Variants in FHIT observed in about 807,000 individuals in gnomAD.
The protein encoded by FHIT is fragile histidine triad diadenosine triphosphatase.
In FHIT, 19 loss-of-function variants were observed where a neutral mutation model predicts 17.9. That is an observed-to-expected ratio of 1.06 (90% confidence interval 0.74 to 1.56). The LOEUF (loss-of-function observed/expected upper bound fraction) is 1.56, where lower values mean the gene tolerates loss of function less well. FHIT is among the 40% of genes most tolerant of loss of function. The pLI, the probability that FHIT is intolerant of heterozygous loss-of-function variation, is 0.00. For synonymous variants in FHIT, 81 were observed against 69.7 expected (o/e 1.16, Z -0.81); for missense variants, 248 against 189.2 (o/e 1.31, Z -1.82).
At chr3:59,773,787 T>C (rs1248330475) in intron 8 of FHIT, among the ~76,000 whole-genome samples, 2 of 152,102 alleles carry the variant, frequency 1.3e-5, no homozygotes, top group Non-Finnish European at 2.9e-5. Context: ...GATTCCTCAA[T>C]ACTTTAAAGC....
At chr3:59,984,580 G>A (rs1261235565) in intron 7 of FHIT, among the ~76,000 whole-genome samples, 5 of 152,060 alleles carry the variant, frequency 3.3e-5, no homozygotes, top group African/African-American at 1.2e-4. Flanking sequence ...CCAGAGTGCA[G>A]AGTAAAAGGC....
intron 3 of FHIT, among the ~76,000 whole-genome samples, chr3:60,944,799 G>C (rs1201018671): frequency 1.3e-5 from 2 of 152,190 alleles, no homozygotes; most frequent in Non-Finnish European, 2.9e-5. Context: ...GCTCTGAGTA[G>C]TAGAGGCATG....
chr3:60,535,050 C>T (rs2035931202), intron 5 of FHIT, among the ~76,000 whole-genome samples: 1 of 152,108 alleles, frequency 6.6e-6, no homozygotes, highest in African/African-American at 2.4e-5. Flanking sequence ...ATGGCAAAAC[C>T]CCGTCTCTAC....
intron 1 of FHIT, among the ~76,000 whole-genome samples, chr3:61,239,698 C>T (rs1396138918): frequency 4.1e-5 from 6 of 145,620 alleles, no homozygotes; most frequent in African/African-American, 7.8e-5. Context: ...TAACAATCTA[C>T]GAAGTGGGTA....
intron 5 of FHIT, among the ~76,000 whole-genome samples, chr3:60,120,855 T>TC (rs200043341): frequency 3.3e-5 from 5 of 151,802 alleles, no homozygotes; most frequent in African/African-American, 1.2e-4. Flanking sequence ...ATTTTTTTTT[T>TC]CCACCATTTG....
At chr3:59,916,561 T>C (rs929918790) in intron 8 of FHIT, among the ~76,000 whole-genome samples, 3 of 152,254 alleles carry the variant, frequency 2.0e-5, no homozygotes, top group Admixed American at 6.5e-5. Flanking sequence ...GTGAGAAAAA[T>C]GGGCACAAAT....
At chr3:61,125,830 T>G (rs2036589520) in intron 2 of FHIT, among the ~76,000 whole-genome samples, 1 of 152,164 alleles carries the variant, frequency 6.6e-6, no homozygotes, top group African/African-American at 2.4e-5. Flanking sequence ...CAAGGAAATT[T>G]TTTTAAATGA....
At chr3:60,316,405 A>C (rs9870612) in intron 5 of FHIT, among the ~76,000 whole-genome samples, 46,075 of 152,024 alleles carry the variant, frequency 0.3, 7,979 homozygotes, top group East Asian at 0.75. Context: ...CTTTAGTAAT[A>C]AACTTAGGAT....
rs536916418 is a variant in FHIT at position 60,544,243 on chromosome 3, A to G, written c.-17-7264T>C. ...CTGACCTTAAGAGGGCTGAGTTTAA[A>G]CTTCTTTTTTTTTGTATTATGAATG... On this transcript the variant is annotated intron_variant, in intron 4 of 9. Coordinates refer to ENST00000492590, the MANE Select transcript of FHIT (RefSeq NM_002012.4). Among the ~76,000 whole-genome samples the G allele has an allele frequency of 8.0e-5, 12 of 150,872 alleles. No individual in the cohort carries two copies. The South Asian group carries it at 2.5e-3, about 32-fold the overall frequency.
At chr3:60,673,120 T>G (rs1553694434) in intron 4 of FHIT, among the ~76,000 whole-genome samples, 2 of 152,272 alleles carry the variant, frequency 1.3e-5, no homozygotes, top group African/African-American at 2.4e-5. Context: ...CCGTAAGAGC[T>G]TAACAGAAAA....
At chr3:60,771,598 CT>C (rs1700044390) in intron 4 of FHIT, among the ~76,000 whole-genome samples, 1 of 152,050 alleles carries the variant, frequency 6.6e-6, no homozygotes, top group East Asian at 1.9e-4. Flanking sequence ...AGTGAGACCA[CT>C]GAATACAGTC....
At chr3:60,032,459 A>AC (rs397824523) in intron 5 of FHIT, among the ~76,000 whole-genome samples, 1 of 150,140 alleles carries the variant, frequency 6.7e-6, no homozygotes, top group Non-Finnish European at 1.5e-5. Context: ...CTTGAAAAAA[A>AC]TAATAAAAAT....
intron 3 of FHIT, among the ~76,000 whole-genome samples, chr3:60,959,681 A>C (rs1303670844): frequency 1.3e-5 from 2 of 152,148 alleles, no homozygotes; most frequent in Non-Finnish European, 2.9e-5. Context: ...CTGAGGGAAC[A>C]AGAATGTGCA....
chr3:59,828,843 C>CTGTGTGTGTGTGTG (rs10637442), intron 8 of FHIT, among the ~76,000 whole-genome samples: 2,873 of 146,786 alleles, frequency 0.02, 110 homozygotes, highest in African/African-American at 0.064. Flanking sequence ...CAATGGTACT[C>CTGTGTGTGTGTGTG]TCTCTGTGTG....
chr3:60,271,476 T>A (rs964807356), intron 5 of FHIT, among the ~76,000 whole-genome samples: 2 of 152,102 alleles, frequency 1.3e-5, no homozygotes, highest in African/African-American at 4.8e-5. Context: ...AAACCTTAGC[T>A]TATGTTATTC....
intron 5 of FHIT, among the ~76,000 whole-genome samples, chr3:60,365,805 CTT>C (rs1203957783): frequency 6.6e-6 from 1 of 152,120 alleles, no homozygotes; most frequent in East Asian, 1.9e-4. Context: ...TGTTCAGTAA[CTT>C]TAGTTAGCTC....
chr3:59,957,059 T>C (rs556775235), intron 7 of FHIT, among the ~76,000 whole-genome samples: 82 of 152,236 alleles, frequency 5.4e-4, no homozygotes, highest in Non-Finnish European at 9.4e-4. Flanking sequence ...CCTGGAAACC[T>C]GGCAGAGGAG....
chr3:60,714,336 G>A (rs1238334907), intron 4 of FHIT, among the ~76,000 whole-genome samples: 2 of 151,930 alleles, frequency 1.3e-5, no homozygotes, highest in Non-Finnish European at 2.9e-5. Flanking sequence ...CATACTGAAT[G>A]GGCAAAAACC....
In FHIT at chr3:61,027,184, T is replaced by A. The variant is rs1295645974; in HGVS notation, c.-111+14863A>T. ...TCACGGCAACCTCTGCCTCCTGTGT[T>A]CAAGTGATTCTCCTACCTCAGCCTT... On this transcript the variant is annotated intron_variant, in intron 3 of 9. Coordinates refer to ENST00000492590, the MANE Select transcript of FHIT (RefSeq NM_002012.4). Among the ~76,000 whole-genome samples the A allele has an allele frequency of 2.0e-5, 3 of 152,262 alleles. No individual in the cohort carries two copies. The East Asian group carries it at 5.8e-4, about 29-fold the overall frequency.
Sources: allele counts gnomAD v4.1 joint callset (sites outside exome capture counted in the v4.1 genomes callset), GRCh38; gene constraint gnomAD v4.1.1; transcripts MANE v1.5; gene names NCBI Gene and HGNC (gene_info 2026-07-23, HGNC 2026-07-21).